CDH2: variants seen among roughly 807,000 people sequenced by gnomAD.
CDH2 encodes cadherin 2.
In CDH2, 17 loss-of-function variants were observed where a neutral mutation model predicts 92.0. That is an observed-to-expected ratio of 0.18 (90% CI 0.13 to 0.28). The LOEUF is 0.28. Among genes scored for constraint, CDH2 ranks in the 10% least tolerant of loss-of-function variants. The probability of loss-of-function intolerance (pLI) is 1.00; values close to 1 mark genes in which losing one functional copy is unlikely to be tolerated. For synonymous variants in CDH2, 419 were observed against 415.9 expected, an observed-to-expected ratio of 1.01 and a Z score of -0.09; for missense variants, 862 against 1,133.1, an observed-to-expected ratio of 0.76 and a Z score of 3.44.
chr18:28,049,942 T>C (rs1215666110), intron 2 of CDH2, among the ~76,000 whole-genome samples: 1 of 152,204 alleles, frequency 6.6e-6, no homozygotes, highest in Non-Finnish European at 1.5e-5. Flanking sequence ...TTGGTGGATA[T>C]AACATCAGTA....
intron 1 of CDH2, among the ~76,000 whole-genome samples, chr18:28,164,452 C>T (rs1046522253): frequency 9.9e-5 from 15 of 152,160 alleles, no homozygotes; most frequent in Non-Finnish European, 1.3e-4. Flanking sequence ...AAGTTAAAGG[C>T]AATACTTCCT....
At chr18:28,105,554 A>G (rs2015306806) in intron 2 of CDH2, among the ~76,000 whole-genome samples, 1 of 152,204 alleles carries the variant, frequency 6.6e-6, no homozygotes, top group Admixed American at 6.5e-5. Flanking sequence ...TAAACAGAAC[A>G]TATCAATTAT....
Position 27,982,746 on chromosome 18 carries a change from T to C in CDH2, c.2349+198A>G, listed in dbSNP as rs192177598. ...TGAAACAAGGTGTTTTTTTTTTTTT[T>C]ACAAAATAAATACAATGACATTTGG... On this transcript the variant is annotated intron_variant, in intron 14 of 15. Transcript: ENST00000269141. Among the ~76,000 whole-genome samples, 321 of 151,926 alleles carry C rather than the reference T, an allele frequency of 2.1e-3. 2 individuals carry two copies. Among genetic ancestry groups the C allele is most frequent in the African/African-American group, 7.5e-3 (309 of 41,460 alleles).
intron 2 of CDH2, among the ~76,000 whole-genome samples, chr18:28,033,432 G>C (rs2013747683): frequency 6.6e-6 from 1 of 152,072 alleles, no homozygotes; most frequent in South Asian, 2.1e-4. Context: ...ACAAACTAAA[G>C]ATCTAATTAC....
At chr18:28,149,632 C>T (rs2016089987) in intron 1 of CDH2, among the ~76,000 whole-genome samples, 1 of 151,976 alleles carries the variant, frequency 6.6e-6, no homozygotes, top group African/African-American at 2.4e-5. Flanking sequence ...ATGTTTTGAA[C>T]ACATACTTAT....
At chr18:27,972,767 A>G (rs1004818125) in intron 14 of CDH2, among the ~76,000 whole-genome samples, 1 of 152,160 alleles carries the variant, frequency 6.6e-6, no homozygotes, top group African/African-American at 2.4e-5. Context: ...ATACTGAAAT[A>G]AAAAATAAGT....
At chr18:28,048,879 C>T (rs2014133535) in intron 2 of CDH2, among the ~76,000 whole-genome samples, 1 of 152,046 alleles carries the variant, frequency 6.6e-6, no homozygotes, top group Admixed American at 6.6e-5. Context: ...CAGCCCTCTC[C>T]ACCCACTTCT....
At chr18:28,155,556 G>C (rs575893894) in intron 1 of CDH2, among the ~76,000 whole-genome samples, 2 of 152,172 alleles carry the variant, frequency 1.3e-5, no homozygotes, top group Non-Finnish European at 2.9e-5. Context: ...TTCCCTTCAT[G>C]ATACGTGATT....
chr18:28,146,248 T>C (rs1053028347), intron 2 of CDH2: 1 of 152,148 alleles, frequency 6.6e-6, no homozygotes, highest in Non-Finnish European at 1.5e-5. Flanking sequence ...CAAATTCCAC[T>C]TTTTATTATC....
At chr18:28,063,140 G>GTA (rs2014437474) in intron 2 of CDH2, among the ~76,000 whole-genome samples, 1 of 152,140 alleles carries the variant, frequency 6.6e-6, no homozygotes, top group African/African-American at 2.4e-5. Flanking sequence ...TATAATAAAA[G>GTA]TATATAGCTT....
rs143092967 is a variant in CDH2, at chr18:28,113,807, G to C, written c.172+33866C>G. Reference sequence around the variant, plus strand: ...AAAGATGACTCTTAATGTATATAAAGTTACACTCCATAAAAGGCTGAGTAA... The same window carrying C: ...AAAGATGACTCTTAATGTATATAAACTTACACTCCATAAAAGGCTGAGTAA... On this transcript the variant is annotated intron_variant, in intron 2 of 15. Transcript: ENST00000269141. Among the ~76,000 whole-genome samples, 609 of 152,100 alleles carry C rather than the reference G, an allele frequency of 4.0e-3. 8 individuals carry two copies. Among genetic ancestry groups the C allele is most frequent in the Admixed American group, 0.037 (566 of 15,256 alleles).
At chr18:27,987,682 T>C (rs2078473853) in intron 11 of CDH2, among the ~76,000 whole-genome samples, 1 of 152,226 alleles carries the variant, frequency 6.6e-6, no homozygotes, top group African/African-American at 2.4e-5. Context: ...GAGTGGTTAG[T>C]TCGTGTCAGC....
chr18:28,045,747 T>C (rs2014062351), intron 2 of CDH2, among the ~76,000 whole-genome samples: 1 of 152,232 alleles, frequency 6.6e-6, no homozygotes, highest in African/African-American at 2.4e-5. Flanking sequence ...CATGCCTGTT[T>C]ACATATTTTC....
intron 2 of CDH2, among the ~76,000 whole-genome samples, chr18:28,020,408 T>C (rs1025989521): frequency 1.3e-5 from 2 of 151,968 alleles, no homozygotes; most frequent in African/African-American, 4.8e-5. Context: ...AAGATATACA[T>C]GGGACGTGCT....
intron 2 of CDH2, among the ~76,000 whole-genome samples, chr18:28,023,459 G>C (rs181407551): frequency 9.2e-5 from 14 of 152,038 alleles, no homozygotes; most frequent in African/African-American, 3.4e-4. Flanking sequence ...AAGTAGCTGG[G>C]AGTACAGGCG....
rs1006692459 is a variant in CDH2, at chr18:28,137,660, A to G, written c.172+10013T>C. On this transcript the variant is annotated intron_variant, in intron 2 of 15. Coordinates refer to ENST00000269141, the MANE Select transcript of CDH2 (RefSeq NM_001792.5). ...ATAAGGGATCTTTGTTCTATGTTGT[A>G]TAAGTTTAGGAGACAACCCTTTATT... is the stretch of plus-strand genomic sequence containing the variant. 3.3e-5 allele frequency among the ~76,000 whole-genome samples: 5 copies of G among 152,176 alleles called. No individual in the cohort carries two copies. The South Asian group carries it at 6.2e-4, about 19-fold the overall frequency.
At position 28,112,704 on chromosome 18, in the gene CDH2, AAAC is replaced by A. The variant is rs375635279; in HGVS notation, c.172+34966_172+34968del. On this transcript the variant is annotated intron_variant, in intron 2 of 15. Coordinates refer to ENST00000269141, the MANE Select transcript of CDH2 (RefSeq NM_001792.5). ...AACCTTGTTTTACAGGAAAAGAGAA[AAAC>A]AACAACAACAACAACAACAATTTCC... Among the ~76,000 whole-genome samples, 582 of 152,094 alleles carry A rather than the reference AAAC, an allele frequency of 3.8e-3. 2 individuals carry two copies. Among genetic ancestry groups the A allele is most frequent in the South Asian group, 0.011 (51 of 4,804 alleles).
intron 2 of CDH2, among the ~76,000 whole-genome samples, chr18:28,105,422 C>G (rs928316358): frequency 1.1e-4 from 17 of 151,944 alleles, no homozygotes; most frequent in African/African-American, 3.9e-4. Context: ...ACATGCCAAT[C>G]AAAATAAATC....
Position 28,119,194 on chromosome 18 carries a change from G to A in CDH2, c.172+28479C>T, listed in dbSNP as rs573641580. On this transcript the variant is annotated intron_variant, in intron 2 of 15. Coordinates refer to ENST00000269141, the MANE Select transcript of CDH2 (RefSeq NM_001792.5). ...CTTTGGGAAACTTTTCCTGTGACTCGGACCAGGTACAGCCACTACTGTCAG... is the reference window on the plus strand; with the variant it reads ...CTTTGGGAAACTTTTCCTGTGACTCAGACCAGGTACAGCCACTACTGTCAG... Among the ~76,000 whole-genome samples the A allele has an allele frequency of 9.2e-5, 14 of 152,160 alleles. No individual in the cohort carries two copies. The South Asian group carries it at 1.5e-3, about 16-fold the overall frequency.
Sources: allele counts gnomAD v4.1 joint callset (sites outside exome capture counted in the v4.1 genomes callset), GRCh38; gene constraint gnomAD v4.1.1; transcripts MANE v1.5; gene names NCBI Gene and HGNC (gene_info 2026-07-23, HGNC 2026-07-21).